The following KDM4B variants were observed in gnomAD, a reference collection of about 807,000 sequenced individuals.
KDM4B encodes lysine demethylase 4B, also known as lysine-specific demethylase 4B.
Under a neutral mutation model 125.2 loss-of-function variants are expected in KDM4B, and 32 were observed. That is an observed-to-expected ratio of 0.26 (90% confidence interval 0.19 to 0.34). The LOEUF (loss-of-function observed/expected upper bound fraction) is 0.34. Ranked by LOEUF, KDM4B falls within the 10% of genes least tolerant of loss-of-function variation. The pLI, the probability that KDM4B is intolerant of heterozygous loss-of-function variation, is 1.00. For synonymous variants in KDM4B, 721 were observed against 677.9 expected (o/e 1.06, Z -0.99); for missense variants, 1,190 against 1,577.7 (o/e 0.75, Z 4.16).
intron 1 of KDM4B, among the ~76,000 whole-genome samples, chr19:4,987,840 T>C (rs1188588147): frequency 6.6e-6 from 1 of 151,540 alleles, no homozygotes; most frequent in Non-Finnish European, 1.5e-5. Context: ...GAGAAGGGGG[T>C]CTGGGCTGGG....
At position 5,016,016 on chromosome 19, in the gene KDM4B, C is replaced by T. The variant is rs556918351; in HGVS notation, c.-108-241C>T. ...TCATTTGACTGTTCACGGATACTCC[C>T]GCTGCCTTGGCCCGTAGATTTTAGG... On this transcript the variant is annotated intron_variant, in intron 1 of 22. Coordinates refer to ENST00000159111, the MANE Select transcript of KDM4B (RefSeq NM_015015.3). Among the ~76,000 whole-genome samples the T allele has an allele frequency of 6.6e-5, 10 of 152,322 alleles. No homozygotes were observed. The East Asian group carries it at 1.7e-3, about 26-fold the overall frequency.
intron 2 of KDM4B, among the ~76,000 whole-genome samples, chr19:5,021,178 G>A (rs1299132026): frequency 6.6e-6 from 1 of 151,776 alleles, no homozygotes; most frequent in Non-Finnish European, 1.5e-5. Context: ...ACCCCTGGCT[G>A]CAGGCTTCGG....
chr19:5,030,615 G>C (rs572714101), intron 2 of KDM4B, among the ~76,000 whole-genome samples: 180 of 152,238 alleles, frequency 1.2e-3, no homozygotes, highest in Non-Finnish European at 2.4e-3. Flanking sequence ...GGGTGCACGA[G>C]GGTCCCAGCG....
intron 5 of KDM4B, among the ~76,000 whole-genome samples, chr19:5,044,915 C>T (rs1271325978): frequency 1.3e-5 from 2 of 152,318 alleles, no homozygotes; most frequent in East Asian, 3.9e-4. Flanking sequence ...CTCCATTTTT[C>T]ATGGCTTGAG....
intron 6 of KDM4B, among the ~76,000 whole-genome samples, chr19:5,064,192 C>T (rs925462438): frequency 1.3e-4 from 20 of 152,202 alleles, no homozygotes; most frequent in African/African-American, 4.6e-4. Context: ...CCGTGGCCCT[C>T]CTGGGCTTGC....
intron 7 of KDM4B, chr19:5,076,231 G>A: frequency 2.3e-5 from 1 of 43,544 alleles, no homozygotes; most frequent in African/African-American, 9.6e-5. Flanking sequence ...CTTTCCCCAG[G>A]GTCGTGCTCT....
intron 10 of KDM4B, among the ~76,000 whole-genome samples, chr19:5,116,697 G>A (rs1275909801): frequency 6.6e-6 from 1 of 152,318 alleles, no homozygotes; most frequent in Non-Finnish European, 1.5e-5. Flanking sequence ...GAAGCTAGGC[G>A]TCCAAAGCAG....
At position 4,970,938 on chromosome 19, in the gene KDM4B, G is replaced by A. The variant is rs567780874; in HGVS notation, c.-109+1708G>A. ...TCCTTGAGCCGGCGACACCAGGACG[G>A]GTCAGACTGTCCTGGCCTAGAGGAG... On this transcript the variant is annotated intron_variant, in intron 1 of 22. Transcript: ENST00000159111. Among the ~76,000 whole-genome samples, 410 of 152,194 alleles carry A rather than the reference G, an allele frequency of 2.7e-3. 1 individual carries two copies. The highest frequency in any genetic ancestry group is 4.3e-3 in the Non-Finnish European group (292 of 67,998).
At chr19:5,102,985 C>T (rs960776927) in intron 9 of KDM4B, among the ~76,000 whole-genome samples, 4 of 152,246 alleles carry the variant, frequency 2.6e-5, no homozygotes, top group Non-Finnish European at 4.4e-5. Context: ...CCATAGTCGC[C>T]TCTCCTGGCA....
intron 6 of KDM4B, among the ~76,000 whole-genome samples, chr19:5,064,351 G>C (rs189773703): frequency 6.6e-6 from 1 of 152,214 alleles, no homozygotes; most frequent in African/African-American, 2.4e-5. Context: ...GCCCAGGCCT[G>C]TGCAGACACT....
chr19:5,093,762 C>T (rs2038760952), intron 9 of KDM4B, among the ~76,000 whole-genome samples: 1 of 152,192 alleles, frequency 6.6e-6, no homozygotes, highest in South Asian at 2.1e-4. Flanking sequence ...TGGCAGTGGT[C>T]ACCGCGCAGG....
At chr19:5,055,247 G>A (rs2037359976) in intron 6 of KDM4B, among the ~76,000 whole-genome samples, 1 of 152,190 alleles carries the variant, frequency 6.6e-6, no homozygotes, top group South Asian at 2.1e-4. Flanking sequence ...GGGCACATCG[G>A]GGCACTCACC....
At chr19:5,031,920 G>A (rs1306855789) in intron 2 of KDM4B, among the ~76,000 whole-genome samples, 2 of 152,218 alleles carry the variant, frequency 1.3e-5, no homozygotes, top group African/African-American at 2.4e-5. Context: ...GTCACAGCGT[G>A]GGGAGGTGGA....
At chr19:5,139,366 C>A (rs551106698) in intron 18 of KDM4B, among the ~76,000 whole-genome samples, 22 of 152,320 alleles carry the variant, frequency 1.4e-4, no homozygotes, top group African/African-American at 5.1e-4. Flanking sequence ...TGCCTTCAGG[C>A]TGTTGTGGGT....
intron 10 of KDM4B, chr19:5,111,339 C>T: frequency 2.7e-6 from 2 of 752,040 alleles, no homozygotes; most frequent in Non-Finnish European, 4.9e-6. Context: ...AAGGCCGGCC[C>T]CGGGGCGTGA....
intron 9 of KDM4B, among the ~76,000 whole-genome samples, chr19:5,099,040 T>G (rs2038881655): frequency 6.6e-6 from 1 of 152,244 alleles, no homozygotes; most frequent in Non-Finnish European, 1.5e-5. Flanking sequence ...CTTTCTTTCC[T>G]TTTGGCAGAG....
At chr19:5,133,814 G>C in intron 13 of KDM4B, 69 bp from the exon 14 acceptor site, 6 of 1,535,468 alleles carry the variant, frequency 3.9e-6, no homozygotes, top group Non-Finnish European at 5.4e-6. Flanking sequence ...CTGGGCAGTT[G>C]GGGTGATTCC....
At chr19:5,084,225 C>A (rs892746463) in intron 9 of KDM4B, among the ~76,000 whole-genome samples, 2 of 149,678 alleles carry the variant, frequency 1.3e-5, no homozygotes, top group African/African-American at 2.5e-5. Context: ...CCAGCCTGGG[C>A]AACAAGAGCG....
intron 5 of KDM4B, 43 bp downstream of exon 5, chr19:5,041,294 G>T: frequency 2.7e-6 from 4 of 1,473,606 alleles, no homozygotes; most frequent in Non-Finnish European, 2.8e-6. Flanking sequence ...CAGCTTCCTG[G>T]TGGGTGGTGG....
Sources: gnomAD v4.1 joint callset for allele counts (sites outside exome capture counted in the v4.1 genomes callset) on GRCh38, gnomAD v4.1.1 for gene constraint, MANE v1.5 for transcripts, NCBI Gene and HGNC (gene_info 2026-07-23, HGNC 2026-07-21) for gene names.